PRKN: variants seen among roughly 807,000 people sequenced by gnomAD.
The protein encoded by PRKN is E3 ubiquitin-protein ligase parkin.
In PRKN, 56 loss-of-function variants were observed where a neutral mutation model predicts 59.5. That is an observed-to-expected ratio of 0.94 (90% CI 0.76 to 1.18). The LOEUF (loss-of-function observed/expected upper bound fraction) is 1.18, where lower values mean the gene tolerates loss of function less well. PRKN is among the 50% of genes most tolerant of loss of function. The pLI, the probability that PRKN is intolerant of heterozygous loss-of-function variation, is 0.00. For missense variants in PRKN, 657 were observed against 596.4 expected (o/e 1.10, Z -1.06); for synonymous variants, 250 against 222.1 (o/e 1.13, Z -1.12).
intron 7 of PRKN, among the ~76,000 whole-genome samples, chr6:161,591,148 T>C (rs1290220730): frequency 6.6e-6 from 1 of 152,148 alleles, no homozygotes; most frequent in African/African-American, 2.4e-5. Context: ...AAAAAAAATA[T>C]ATGCACATAT....
At chr6:162,381,992 T>C (rs1432256249) in intron 2 of PRKN, among the ~76,000 whole-genome samples, 4 of 152,178 alleles carry the variant, frequency 2.6e-5, no homozygotes, top group Non-Finnish European at 5.9e-5. Flanking sequence ...CCCAGACTCG[T>C]GGGTCACACT....
intron 6 of PRKN, among the ~76,000 whole-genome samples, chr6:161,868,362 C>T (rs1382215199): frequency 6.6e-6 from 1 of 150,636 alleles, no homozygotes; most frequent in African/African-American, 2.5e-5. Flanking sequence ...GTGGATCACT[C>T]GAAGCTAGGA....
chr6:162,461,213 A>G (rs1791139968), intron 1 of PRKN, among the ~76,000 whole-genome samples: 1 of 116,824 alleles, frequency 8.6e-6, no homozygotes, highest in Non-Finnish European at 1.8e-5. Flanking sequence ...GAAGAGAAAA[A>G]AAAGGAGGCT....
intron 1 of PRKN, among the ~76,000 whole-genome samples, chr6:162,619,131 T>G: frequency 7.1e-6 from 1 of 140,792 alleles, no homozygotes. Flanking sequence ...ACATATCTAA[T>G]CCAGTATTTT....
intron 7 of PRKN, among the ~76,000 whole-genome samples, chr6:161,596,283 A>C (rs1455071733): frequency 6.6e-6 from 1 of 152,170 alleles, no homozygotes; most frequent in East Asian, 1.9e-4. Flanking sequence ...GGAGAGAAAC[A>C]CATTACTATG....
At chr6:161,898,262 G>A (rs1269036230) in intron 6 of PRKN, among the ~76,000 whole-genome samples, 1 of 151,198 alleles carries the variant, frequency 6.6e-6, no homozygotes, top group Non-Finnish European at 1.5e-5. Context: ...TGAACCCTTT[G>A]AATTACGGAA....
chr6:162,380,749 C>T lies in PRKN; in HGVS notation c.171+62561G>A, dbSNP rs547163602. On this transcript the variant is annotated intron_variant, in intron 2 of 11. Transcript: ENST00000366898. ...TTTAAAAAAAAACCTTGAAAAATTC[C>T]ACCTTGCAGCATTGTTTTCAAATTG... Among the ~76,000 whole-genome samples, 8 of 151,818 alleles carry T rather than the reference C, an allele frequency of 5.3e-5. 1 individual carries two copies. The South Asian group carries it at 1.7e-3, about 32-fold the overall frequency.
intron 8 of PRKN, among the ~76,000 whole-genome samples, chr6:161,565,086 C>T (rs1780590877): frequency 6.6e-6 from 1 of 152,194 alleles, no homozygotes; most frequent in African/African-American, 2.4e-5. Flanking sequence ...GCTTGCCCAG[C>T]TGAAATTTCA....
At chr6:161,557,176 T>C (rs1399024276) in intron 8 of PRKN, among the ~76,000 whole-genome samples, 1 of 152,258 alleles carries the variant, frequency 6.6e-6, no homozygotes, top group African/African-American at 2.4e-5. Context: ...GGTAGAATCC[T>C]GACTCACTGC....
At chr6:161,681,363 C>G (rs1042943224) in intron 7 of PRKN, among the ~76,000 whole-genome samples, 2 of 152,048 alleles carry the variant, frequency 1.3e-5, no homozygotes, top group Non-Finnish European at 2.9e-5. Flanking sequence ...TTCTCATGAT[C>G]TCTAGAAAAT....
intron 6 of PRKN, among the ~76,000 whole-genome samples, chr6:161,910,379 C>T (rs1334107662): frequency 6.6e-6 from 1 of 152,064 alleles, no homozygotes; most frequent in Non-Finnish European, 1.5e-5. Flanking sequence ...CTCAGCCTCT[C>T]GAGTAGCTGG....
intron 1 of PRKN, among the ~76,000 whole-genome samples, chr6:162,726,742 C>CT (rs1779221259): frequency 6.6e-6 from 1 of 152,194 alleles, no homozygotes; most frequent in African/African-American, 2.4e-5. Context: ...GTAAAGGACC[C>CT]TCCTCAGGAA....
rs12215228 is a variant in PRKN, at chr6:161,526,797, A to C, written c.1083+22057T>G. Among the ~76,000 whole-genome samples the C allele has an allele frequency of 0.16, 24,634 of 152,182 alleles. 2,431 individuals carry two copies. The highest frequency in any genetic ancestry group is 0.29 in the Middle Eastern group (85 of 294). On this transcript the variant is annotated intron_variant, in intron 9 of 11. Coordinates refer to ENST00000366898, the MANE Select transcript of PRKN (RefSeq NM_004562.3). The surrounding 1 kb of genome is among the most constrained non-coding windows in gnomAD (Gnocchi z 4.1). ...GACAGTAGACAGATCAACACGATAA[A>C]ATACATACAAATTTATTACATACAT...
chr6:161,687,419 T>C (rs1254424773), intron 7 of PRKN, among the ~76,000 whole-genome samples: 1 of 117,176 alleles, frequency 8.5e-6, no homozygotes, highest in Non-Finnish European at 1.8e-5. Flanking sequence ...AAAAAAAGAA[T>C]ACAACATTAA....
chr6:162,706,900 C>T (rs1280037240), intron 1 of PRKN, among the ~76,000 whole-genome samples: 1 of 152,098 alleles, frequency 6.6e-6, no homozygotes, highest in Non-Finnish European at 1.5e-5. Context: ...CCATATACCA[C>T]TGATGGAATT....
intron 4 of PRKN, among the ~76,000 whole-genome samples, chr6:162,188,019 T>C (rs1254537568): frequency 1.3e-5 from 2 of 152,092 alleles, no homozygotes; most frequent in Non-Finnish European, 2.9e-5. Flanking sequence ...ACTGTTCTCA[T>C]GATAGTGAAT....
Position 161,395,629 on chromosome 6 carries a change from T to C in PRKN, c.1084-8752A>G, listed in dbSNP as rs1256355383. Among the ~76,000 whole-genome samples the C allele has an allele frequency of 2.6e-5, 4 of 152,238 alleles. No homozygotes were observed. Among genetic ancestry groups the C allele is most frequent in the Non-Finnish European group, 1.5e-5 (1 of 68,052 alleles). On this transcript the variant is annotated intron_variant, in intron 9 of 11. Coordinates refer to ENST00000366898, the MANE Select transcript of PRKN (RefSeq NM_004562.3). This position sits in a 1 kb window ranked among gnomAD's most constrained non-coding sequence, Gnocchi z 5.0. The stretch of plus-strand genomic sequence containing the variant: ...ACGCTGTGGTCTCAACCACCGCCTT[T>C]GTCAAGCTGCTTTAAAAGAATATCA...
chr6:161,731,452 A>T (rs1271531639), intron 7 of PRKN, among the ~76,000 whole-genome samples: 2 of 152,226 alleles, frequency 1.3e-5, no homozygotes, highest in Non-Finnish European at 2.9e-5. Context: ...TTTTACATGT[A>T]TCATTAAATA....
At chr6:162,290,818 G>T (rs926001528) in intron 2 of PRKN, among the ~76,000 whole-genome samples, 1 of 152,186 alleles carries the variant, frequency 6.6e-6, no homozygotes, top group Non-Finnish European at 1.5e-5. Context: ...ATAAGAAGGA[G>T]CTGCAAGTTT....
Sources: allele counts gnomAD v4.1 joint callset (sites outside exome capture counted in the v4.1 genomes callset), GRCh38; gene constraint gnomAD v4.1.1; non-coding constraint Gnocchi (gnomAD v3.1); transcripts MANE v1.5; gene names NCBI Gene and HGNC (gene_info 2026-07-23, HGNC 2026-07-21).